Variants in NEMP2 observed in about 807,000 individuals in gnomAD.
The protein encoded by NEMP2 is nuclear envelope integral membrane protein 2.
NEMP2 carries 53 observed loss-of-function variants against 54.2 expected under a neutral mutation model. The observed-to-expected ratio is 0.98, with a 90% CI of 0.78 to 1.23. The LOEUF (loss-of-function observed/expected upper bound fraction) is 1.23. Among genes scored for constraint, NEMP2 ranks in the 50% most tolerant of loss-of-function variants. The pLI is 0.00. For missense variants in NEMP2, 455 were observed against 511.3 expected, an observed-to-expected ratio of 0.89 and a Z score of 1.06; for synonymous variants, 197 against 190.3, an observed-to-expected ratio of 1.04 and a Z score of -0.29.
the NEMP2 span, among the ~76,000 whole-genome samples, chr2:190,428,316 T>C: frequency 6.6e-6 from 1 of 152,218 alleles, no homozygotes; most frequent in African/African-American, 2.4e-5. Context: ...TAGATGTCTT[T>C]CGGTGAATAT....
the NEMP2 span, among the ~76,000 whole-genome samples, chr2:190,644,430 G>A: frequency 2.6e-5 from 4 of 152,178 alleles, no homozygotes; most frequent in South Asian, 2.1e-4. The surrounding 1 kb of genome is among the most constrained non-coding windows in gnomAD (Gnocchi z 4.4). Context: ...GTGTTCAAAG[G>A]TGTGTCATAT....
chr2:190,516,723 C>G (rs998324460), intron 5 of NEMP2, among the ~76,000 whole-genome samples: 2 of 152,198 alleles, frequency 1.3e-5, no homozygotes, highest in African/African-American at 4.8e-5. Flanking sequence ...GCTGCTGTTG[C>G]AAACTTTAAT....
chr2:190,445,468 A>AC, the NEMP2 span, among the ~76,000 whole-genome samples: 43 of 146,416 alleles, frequency 2.9e-4, no homozygotes, highest in African/African-American at 9.0e-4. Context: ...AAAAAAAAAA[A>AC]CCCCGACTAT....
the NEMP2 span, among the ~76,000 whole-genome samples, chr2:190,613,056 A>G: frequency 6.6e-6 from 1 of 152,200 alleles, no homozygotes; most frequent in African/African-American, 2.4e-5. Context: ...GAAAACTGTG[A>G]TAGTCATCAT....
the NEMP2 span, among the ~76,000 whole-genome samples, chr2:190,489,305 T>C: frequency 1.2e-3 from 189 of 152,318 alleles, 1 homozygote; most frequent in African/African-American, 4.2e-3. The surrounding 1 kb of genome is among the most constrained non-coding windows in gnomAD (Gnocchi z 6.6). Flanking sequence ...GGAGCTGAAA[T>C]AGGAATGAGA....
chr2:190,461,689 C>A, the NEMP2 span, among the ~76,000 whole-genome samples: 1 of 152,124 alleles, frequency 6.6e-6, no homozygotes, highest in Non-Finnish European at 1.5e-5. The surrounding 1 kb of genome is among the most constrained non-coding windows in gnomAD (Gnocchi z 5.5). Flanking sequence ...CTCCCTCACA[C>A]CTCTTTTACC....
chr2:190,593,869 AG>A, the NEMP2 span, among the ~76,000 whole-genome samples: 1 of 152,224 alleles, frequency 6.6e-6, no homozygotes, highest in Non-Finnish European at 1.5e-5. This position sits in a 1 kb window ranked among gnomAD's most constrained non-coding sequence, Gnocchi z 4.5. Context: ...TGACCTCAAC[AG>A]CTTCCCAACT....
the NEMP2 span, among the ~76,000 whole-genome samples, chr2:190,549,322 T>C: frequency 6.6e-6 from 1 of 152,220 alleles, no homozygotes; most frequent in Non-Finnish European, 1.5e-5. Flanking sequence ...GATCCACTAA[T>C]TCATTGGAGG....
chr2:190,545,247 A>G, the NEMP2 span, among the ~76,000 whole-genome samples: 1 of 15,916 alleles, frequency 6.3e-5, no homozygotes, highest in African/African-American at 1.1e-4. Flanking sequence ...GATCTCACCA[A>G]CTCCACTTCA....
chr2:190,435,812 A>G, the NEMP2 span: 82 of 579,564 alleles, frequency 1.4e-4, no homozygotes, highest in African/African-American at 1.2e-3. Context: ...TTTAAAAGCT[A>G]TTTTTCCTTA....
chr2:190,458,831 T>A, the NEMP2 span, among the ~76,000 whole-genome samples: 1 of 152,204 alleles, frequency 6.6e-6, no homozygotes, highest in Non-Finnish European at 1.5e-5. The surrounding 1 kb of genome is among the most constrained non-coding windows in gnomAD (Gnocchi z 5.3). Context: ...GATCAGAACC[T>A]GCATCTCTCC....
the NEMP2 span, among the ~76,000 whole-genome samples, chr2:190,605,212 A>G: frequency 6.6e-6 from 1 of 152,152 alleles, no homozygotes; most frequent in African/African-American, 2.4e-5. Flanking sequence ...AAATTCACAG[A>G]ATAAGGTCAG....
the NEMP2 span, chr2:190,436,449 G>A: frequency 1.2e-6 from 2 of 1,614,126 alleles, no homozygotes; most frequent in Non-Finnish European, 1.7e-6. This position sits in a 1 kb window ranked among gnomAD's most constrained non-coding sequence, Gnocchi z 5.3. Context: ...TTTCTCTTTT[G>A]TGTTGGGTTT....
the NEMP2 span, among the ~76,000 whole-genome samples, chr2:190,558,697 G>A: frequency 6.6e-6 from 1 of 152,184 alleles, no homozygotes; most frequent in African/African-American, 2.4e-5. The surrounding 1 kb of genome is among the most constrained non-coding windows in gnomAD (Gnocchi z 4.4). Context: ...CATCATAGGA[G>A]TTTGAAGATT....
the NEMP2 span, among the ~76,000 whole-genome samples, chr2:190,566,775 A>G: frequency 1 from 150,905 of 151,524 alleles, 75,146 homozygotes; most frequent in Middle Eastern, 1. Flanking sequence ...GGAAAGAAAG[A>G]TTCAGAAGTC....
chr2:190,623,464 C>A, the NEMP2 span, among the ~76,000 whole-genome samples: 3 of 152,160 alleles, frequency 2.0e-5, no homozygotes, highest in Non-Finnish European at 2.9e-5. Flanking sequence ...GGCATAAAAA[C>A]AGACACACTG....
the NEMP2 span, among the ~76,000 whole-genome samples, chr2:190,601,176 C>T: frequency 4.6e-5 from 7 of 152,068 alleles, no homozygotes; most frequent in African/African-American, 1.4e-4. This position sits in a 1 kb window ranked among gnomAD's most constrained non-coding sequence, Gnocchi z 5.8. Flanking sequence ...TAAAAAGCAA[C>T]ATTTGGAGAC....
chr2:190,493,885 T>C, the NEMP2 span, among the ~76,000 whole-genome samples: 30,250 of 152,010 alleles, frequency 0.2, 3,893 homozygotes, highest in Admixed American at 0.4. Flanking sequence ...GGAAAGGTCA[T>C]AGCCTAAATG....
At chr2:190,445,802 CGTG>C in the NEMP2 span, among the ~76,000 whole-genome samples, 45,021 of 151,764 alleles carry the variant, frequency 0.3, 7,375 homozygotes, top group Admixed American at 0.46. Flanking sequence ...AGATTCATAA[CGTG>C]GTAATATGGA....
Sources: allele counts gnomAD v4.1 joint callset (sites outside exome capture counted in the v4.1 genomes callset), GRCh38; gene constraint gnomAD v4.1.1; non-coding constraint Gnocchi (gnomAD v3.1); transcripts MANE v1.5; gene names NCBI Gene and HGNC (gene_info 2026-07-23, HGNC 2026-07-21).